Variants in LUZP2 observed in about 807,000 individuals in gnomAD.
LUZP2 encodes leucine zipper protein 2.
LUZP2 carries 52 observed loss-of-function variants against 51.6 expected under a neutral mutation model. That is an observed-to-expected ratio of 1.01 (90% CI 0.81 to 1.27). The LOEUF (loss-of-function observed/expected upper bound fraction) is 1.27. Among genes scored for constraint, LUZP2 ranks in the 50% most tolerant of loss-of-function variants. The pLI is 0.00. For missense variants in LUZP2, 436 were observed against 395.4 expected, an observed-to-expected ratio of 1.10 and a Z score of -0.87; for synonymous variants, 154 against 137.3, an observed-to-expected ratio of 1.12 and a Z score of -0.85.
intron 9 of LUZP2, among the ~76,000 whole-genome samples, chr11:25,019,986 A>G (rs1057033067): frequency 6.6e-6 from 1 of 152,154 alleles, no homozygotes. Flanking sequence ...TTGGTATAAT[A>G]TTTAAAGCCT....
chr11:24,739,687 A>T lies in LUZP2; in HGVS notation c.333+1385A>T, dbSNP rs147522199. 1.7e-4 allele frequency among the ~76,000 whole-genome samples: 26 copies of T among 152,256 alleles called. No homozygotes were observed. The East Asian group carries it at 4.3e-3, about 25-fold the overall frequency. On this transcript the variant is annotated intron_variant, in intron 4 of 11. Coordinates refer to ENST00000336930, the MANE Select transcript of LUZP2 (RefSeq NM_001009909.4). Reference sequence around the variant, plus strand: ...CCTTTCTTTTACAAAACTTCCTTTAACAACCTTGATTAAAATGTGGAGTTT... The same window carrying T: ...CCTTTCTTTTACAAAACTTCCTTTATCAACCTTGATTAAAATGTGGAGTTT...
intron 5 of LUZP2, among the ~76,000 whole-genome samples, chr11:24,851,046 T>C (rs1851379911): frequency 6.6e-6 from 1 of 152,208 alleles, no homozygotes; most frequent in Non-Finnish European, 1.5e-5. Context: ...TATACAATCA[T>C]GTCATCTGTA....
chr11:24,674,315 C>T lies in LUZP2; in HGVS notation c.63-54854C>T, dbSNP rs186714228. On this transcript the variant is annotated intron_variant, in intron 1 of 11. Transcript: ENST00000336930. ...GACAGCCTGTGACCTTCTGCTAGCC[C>T]CGACATCTCTTTCATCCTTTGGGTA... is the stretch of plus-strand genomic sequence containing the variant. Among the ~76,000 whole-genome samples the T allele has an allele frequency of 3.3e-5, 5 of 152,242 alleles. No individual in the cohort carries two copies. In the South Asian group the frequency reaches 6.2e-4, roughly 19 times the overall value.
chr11:24,653,670 T>G (rs922708270), intron 1 of LUZP2, among the ~76,000 whole-genome samples: 1 of 152,114 alleles, frequency 6.6e-6, no homozygotes, highest in Non-Finnish European at 1.5e-5. Context: ...GCATTCCTAC[T>G]GCACCTACCG....
chr11:24,595,797 T>C (rs1319833761), intron 1 of LUZP2, among the ~76,000 whole-genome samples: 4 of 152,170 alleles, frequency 2.6e-5, no homozygotes, highest in African/African-American at 4.8e-5. Context: ...CACTGAAATT[T>C]AAGCCAGTCA....
intron 7 of LUZP2, among the ~76,000 whole-genome samples, chr11:24,949,135 A>G (rs536213385): frequency 1.3e-5 from 2 of 151,612 alleles, no homozygotes; most frequent in Non-Finnish European, 3.0e-5. Flanking sequence ...AATGGCAGGA[A>G]AAAACATATG....
intron 9 of LUZP2, among the ~76,000 whole-genome samples, chr11:25,036,544 T>C (rs1857868375): frequency 6.6e-6 from 1 of 151,950 alleles, no homozygotes. Context: ...TTTTTGTAAT[T>C]CCTTTAGGTG....
intron 5 of LUZP2, among the ~76,000 whole-genome samples, chr11:24,805,751 A>T (rs1849837390): frequency 6.6e-6 from 1 of 152,168 alleles, no homozygotes; most frequent in Admixed American, 6.6e-5. Context: ...CTGAGACAAA[A>T]ATTCAAAACT....
chr11:24,960,066 A>G (rs1855345803), intron 7 of LUZP2, among the ~76,000 whole-genome samples: 1 of 152,124 alleles, frequency 6.6e-6, no homozygotes, highest in African/African-American at 2.4e-5. Context: ...TGATTTGTGT[A>G]TATTGAACCA....
chr11:24,922,931 C>G (rs1046717546), intron 7 of LUZP2, among the ~76,000 whole-genome samples: 5 of 141,824 alleles, frequency 3.5e-5, no homozygotes, highest in African/African-American at 1.3e-4. Flanking sequence ...TTACTGAAAG[C>G]TCCGCCTCCC....
intron 1 of LUZP2, among the ~76,000 whole-genome samples, chr11:24,604,936 C>G (rs550210110): frequency 2.0e-5 from 3 of 151,856 alleles, no homozygotes; most frequent in South Asian, 4.1e-4. Context: ...ATAGTTATCT[C>G]TTTTGTGGGG....
chr11:24,759,914 A>G (rs1185767065), intron 4 of LUZP2, among the ~76,000 whole-genome samples: 1 of 152,164 alleles, frequency 6.6e-6, no homozygotes, highest in Non-Finnish European at 1.5e-5. Flanking sequence ...TGAGGGTCTG[A>G]GAACAAGTGC....
At position 24,500,350 on chromosome 11, in the gene LUZP2, A is replaced by T. The variant is rs1206870692; in HGVS notation, c.62+3045A>T. On this transcript the variant is annotated intron_variant, in intron 1 of 11. Coordinates refer to ENST00000336930, the MANE Select transcript of LUZP2 (RefSeq NM_001009909.4). ...ATCAAGTTAATGATATGAATAATGTAACTAATACAGAAACTCATTTAAACT... is the reference window on the plus strand; with the variant it reads ...ATCAAGTTAATGATATGAATAATGTTACTAATACAGAAACTCATTTAAACT... Among the ~76,000 whole-genome samples, 13 of 152,322 alleles carry T rather than the reference A, an allele frequency of 8.5e-5. No individual in the cohort carries two copies. The East Asian group carries it at 2.5e-3, about 29-fold the overall frequency.
intron 1 of LUZP2, among the ~76,000 whole-genome samples, chr11:24,627,013 T>C (rs757401657): frequency 7.2e-5 from 11 of 152,190 alleles, no homozygotes; most frequent in Non-Finnish European, 1.5e-4. Flanking sequence ...GGGATGCTTT[T>C]GGTCCTTATG....
At chr11:24,857,312 T>TACACACAC (rs34365598) in intron 5 of LUZP2, among the ~76,000 whole-genome samples, 4 of 133,214 alleles carry the variant, frequency 3.0e-5, no homozygotes, top group African/African-American at 1.2e-4. Context: ...TACATATATA[T>TACACACAC]ACACACACAC....
At chr11:24,503,000 A>C (rs1289836915) in intron 1 of LUZP2, among the ~76,000 whole-genome samples, 1 of 152,192 alleles carries the variant, frequency 6.6e-6, no homozygotes, top group African/African-American at 2.4e-5. Context: ...GTTTAGAAAA[A>C]TTAAAGGAAT....
At chr11:24,587,980 C>A (rs1853132960) in intron 1 of LUZP2, among the ~76,000 whole-genome samples, 1 of 152,006 alleles carries the variant, frequency 6.6e-6, no homozygotes, top group Non-Finnish European at 1.5e-5. Flanking sequence ...CCCCTGACCA[C>A]CCCTATTAGT....
rs1856212445 is a variant in LUZP2, at chr11:24,666,362, A to G, written c.63-62807A>G. On this transcript the variant is annotated intron_variant, in intron 1 of 11. Coordinates refer to ENST00000336930, the MANE Select transcript of LUZP2 (RefSeq NM_001009909.4). ...ACTCCTTTCTCACCAGCTTTTAGTC[A>G]TTGATTTTATAAGGAAAAAAAATGA... Among the ~76,000 whole-genome samples, 3 of 152,194 alleles carry G rather than the reference A, an allele frequency of 2.0e-5. No individual in the cohort carries two copies. In the South Asian group the frequency reaches 6.2e-4, roughly 31 times the overall value.
chr11:25,039,813 A>T (rs1009856304), intron 9 of LUZP2, among the ~76,000 whole-genome samples: 3 of 152,170 alleles, frequency 2.0e-5, no homozygotes, highest in Admixed American at 2.0e-4. Context: ...GCAAATCTCT[A>T]TTCCCTGAGA....
Sources: gnomAD v4.1 joint callset for allele counts (sites outside exome capture counted in the v4.1 genomes callset) on GRCh38, gnomAD v4.1.1 for gene constraint, MANE v1.5 for transcripts, NCBI Gene and HGNC (gene_info 2026-07-23, HGNC 2026-07-21) for gene names.